Variants in ARHGAP24 observed in about 807,000 individuals in gnomAD.
ARHGAP24 encodes rho GTPase-activating protein 24.
In ARHGAP24, 50 loss-of-function variants were observed where a neutral mutation model predicts 76.4. The ratio of observed to expected loss-of-function variants is 0.65; its 90% CI spans 0.52 to 0.83. ARHGAP24 has a LOEUF of 0.83. Ranked by LOEUF, ARHGAP24 falls within the 40% of genes least tolerant of loss-of-function variation. The pLI is 0.00. For synonymous variants in ARHGAP24, 345 were observed against 323.3 expected, an observed-to-expected ratio of 1.07 and a Z score of -0.72; for missense variants, 930 against 914.2, an observed-to-expected ratio of 1.02 and a Z score of -0.22.
intron 2 of ARHGAP24, among the ~76,000 whole-genome samples, chr4:85,624,839 A>G (rs1027677192): frequency 2.0e-5 from 3 of 152,324 alleles, no homozygotes; most frequent in African/African-American, 7.2e-5. Context: ...CATTTCTTCT[A>G]GATTTTCTAG....
intron 3 of ARHGAP24, among the ~76,000 whole-genome samples, chr4:85,861,542 A>G (rs143846760): frequency 2.3e-4 from 35 of 152,220 alleles, no homozygotes; most frequent in African/African-American, 7.9e-4. Flanking sequence ...ATGAAGCAAG[A>G]CATACGTGTT....
At chr4:85,788,567 A>G (rs764204037) in intron 3 of ARHGAP24, among the ~76,000 whole-genome samples, 3 of 152,180 alleles carry the variant, frequency 2.0e-5, no homozygotes, top group East Asian at 1.9e-4. Flanking sequence ...TAATAAAGTA[A>G]TCTTACAGGA....
At chr4:85,764,491 A>G (rs1313586148) in intron 3 of ARHGAP24, among the ~76,000 whole-genome samples, 1 of 152,194 alleles carries the variant, frequency 6.6e-6, no homozygotes, top group Non-Finnish European at 1.5e-5. Flanking sequence ...CATTAACCAG[A>G]TAAAACACAG....
At chr4:85,902,510 T>C (rs984232297) in intron 3 of ARHGAP24, among the ~76,000 whole-genome samples, 3 of 152,212 alleles carry the variant, frequency 2.0e-5, no homozygotes, top group African/African-American at 4.8e-5. Context: ...ATATTTAAGG[T>C]TGGCTGAGAG....
chr4:85,808,143 G>GA (rs750309890), intron 3 of ARHGAP24, among the ~76,000 whole-genome samples: 34 of 151,922 alleles, frequency 2.2e-4, no homozygotes, highest in South Asian at 1.7e-3. Flanking sequence ...CTCCCAATTC[G>GA]AAAAAAATAT....
rs577610250 is a variant in ARHGAP24 at position 85,974,168 on chromosome 4, A to G, written c.733-720A>G. 9.4e-4 allele frequency among the ~76,000 whole-genome samples: 143 copies of G among 152,032 alleles called. 1 individual carries two copies. Among genetic ancestry groups the G allele is most frequent in the African/African-American group, 3.3e-3 (136 of 41,466 alleles). On this transcript the variant is annotated intron_variant, in intron 6 of 9. Transcript: ENST00000395184. ...AATGCACCCGGCCTAACTGCTGCCTATTTTTATAAATGCAGTTTTATTCCA... is the reference window on the plus strand; with the variant it reads ...AATGCACCCGGCCTAACTGCTGCCTGTTTTTATAAATGCAGTTTTATTCCA...
At chr4:85,880,862 A>G (rs1733213865) in intron 3 of ARHGAP24, among the ~76,000 whole-genome samples, 1 of 152,104 alleles carries the variant, frequency 6.6e-6, no homozygotes, top group Non-Finnish European at 1.5e-5. Context: ...TACAATGCAA[A>G]ACTAGTGCAG....
chr4:85,886,048 C>T (rs1020583095), intron 3 of ARHGAP24, among the ~76,000 whole-genome samples: 6 of 152,198 alleles, frequency 3.9e-5, no homozygotes, highest in Admixed American at 6.5e-5. Context: ...AATTTTGAAA[C>T]ATCTCATGAA....
At chr4:85,814,734 C>G (rs1005006372) in intron 3 of ARHGAP24, among the ~76,000 whole-genome samples, 1 of 152,102 alleles carries the variant, frequency 6.6e-6, no homozygotes, top group African/African-American at 2.4e-5. Context: ...AGTGGACCTA[C>G]CATTCTAGGG....
At chr4:85,620,701 G>C (rs1720688698) in intron 2 of ARHGAP24, among the ~76,000 whole-genome samples, 1 of 151,534 alleles carries the variant, frequency 6.6e-6, no homozygotes, top group Non-Finnish European at 1.5e-5. Context: ...TTGGGCTTAA[G>C]TTGTTTTTCT....
intron 2 of ARHGAP24, among the ~76,000 whole-genome samples, chr4:85,655,120 G>T (rs949437007): frequency 6.6e-6 from 1 of 151,880 alleles, no homozygotes; most frequent in Non-Finnish European, 1.5e-5. Context: ...CTCTTTTTAG[G>T]CTTATTTGGG....
In ARHGAP24 at chr4:85,733,060, C is replaced by CATTTTTTTTTT. The variant is rs1460021134; in HGVS notation, c.268+11088_268+11089insATTTTTTTTTT. ...CTATAGATCTTATAGGCCTCACCAA[C>CATTTTTTTTTT]TTTTTTTTTTTTTTTTTTTTTGAGA... On this transcript the variant is annotated intron_variant, in intron 3 of 9. Coordinates refer to ENST00000395184, the MANE Select transcript of ARHGAP24 (RefSeq NM_001025616.3). Among the ~76,000 whole-genome samples, 2 of 55,216 alleles carry CATTTTTTTTTT rather than the reference C, an allele frequency of 3.6e-5. 1 individual carries two copies. The highest frequency in any genetic ancestry group is 6.4e-5 in the Non-Finnish European group (2 of 31,298). 36.2% of individuals were successfully genotyped at this position (55,216 alleles called of 152,430 possible).
In ARHGAP24 at chr4:85,923,819, G is replaced by A. The variant is rs376008828; in HGVS notation, c.391+49G>A. The A allele has an allele frequency of 3.2e-5, 51 of 1,612,714 alleles. No individual in the cohort carries two copies. In the African/African-American group the frequency reaches 6.5e-4, roughly 21 times the overall value. Reference sequence around the variant, plus strand: ...AAAAACAGAAAGGTAGACCAAACCTGTTCATCCCTTTCCCCCAGCGAATGT... The same window carrying A: ...AAAAACAGAAAGGTAGACCAAACCTATTCATCCCTTTCCCCCAGCGAATGT... On this transcript the variant is annotated intron_variant, in intron 4 of 9. Coordinates refer to ENST00000395184, the MANE Select transcript of ARHGAP24 (RefSeq NM_001025616.3).
chr4:85,539,343 AT>A (rs1172690843), intron 1 of ARHGAP24, among the ~76,000 whole-genome samples: 1 of 151,882 alleles, frequency 6.6e-6, no homozygotes, highest in Non-Finnish European at 1.5e-5. Context: ...TAAACTTGCA[AT>A]TTTTTTTGTA....
At chr4:85,744,523 A>G (rs1306867131) in intron 3 of ARHGAP24, among the ~76,000 whole-genome samples, 1 of 152,206 alleles carries the variant, frequency 6.6e-6, no homozygotes, top group Admixed American at 6.5e-5. Context: ...GATCTTTAGC[A>G]TATTGGTTGT....
At chr4:85,594,943 G>A (rs1385251511) in intron 2 of ARHGAP24, among the ~76,000 whole-genome samples, 1 of 150,918 alleles carries the variant, frequency 6.6e-6, no homozygotes, top group East Asian at 2.0e-4. Context: ...TAAGTACAGT[G>A]ACTCAACCAA....
At chr4:85,662,356 A>T (rs1722426440) in intron 2 of ARHGAP24, among the ~76,000 whole-genome samples, 1 of 150,768 alleles carries the variant, frequency 6.6e-6, no homozygotes, top group Non-Finnish European at 1.5e-5. Context: ...CCACTTTTTG[A>T]TGGGGTTGTT....
At chr4:85,975,681 A>G (rs1232273375) in intron 7 of ARHGAP24, 1 of 152,338 alleles carries the variant, frequency 6.6e-6, no homozygotes, top group Admixed American at 6.5e-5. Context: ...ATAGAGAGTG[A>G]TGATTGGCAC....
intron 1 of ARHGAP24, among the ~76,000 whole-genome samples, chr4:85,568,231 G>A (rs528799836): frequency 1.7e-4 from 25 of 149,080 alleles, no homozygotes; most frequent in Admixed American, 1.5e-3. Flanking sequence ...ATGAATTTGA[G>A]AGGAAAGAAA....
Sources: gnomAD v4.1 joint callset for allele counts (sites outside exome capture counted in the v4.1 genomes callset) on GRCh38, gnomAD v4.1.1 for gene constraint, MANE v1.5 for transcripts, NCBI Gene and HGNC (gene_info 2026-07-23, HGNC 2026-07-21) for gene names.